The following KHDRBS2 variants were observed in gnomAD, a reference collection of about 807,000 sequenced individuals.
KHDRBS2 encodes the protein KH domain-containing, RNA-binding, signal transduction-associated protein 2.
KHDRBS2 carries 26 observed loss-of-function variants against 44.3 expected under a neutral mutation model. That is an observed-to-expected ratio of 0.59 (90% confidence interval 0.43 to 0.81). The LOEUF (loss-of-function observed/expected upper bound fraction) is 0.81, where lower values mean the gene tolerates loss of function less well. Ranked by LOEUF, KHDRBS2 falls within the 40% of genes least tolerant of loss-of-function variation. The pLI is 0.00. For missense variants in KHDRBS2, 476 were observed against 433.1 expected (o/e 1.10, Z -0.88); for synonymous variants, 194 against 151.1 (o/e 1.28, Z -2.08).
chr6:62,058,422 T>C (rs1790806204), intron 2 of KHDRBS2, among the ~76,000 whole-genome samples: 1 of 151,932 alleles, frequency 6.6e-6, no homozygotes, highest in Non-Finnish European at 1.5e-5. Flanking sequence ...TGAATCTCCT[T>C]TTTAATCAGT....
chr6:62,180,987 A>G (rs1309849729), intron 1 of KHDRBS2, among the ~76,000 whole-genome samples: 1 of 150,854 alleles, frequency 6.6e-6, no homozygotes, highest in Non-Finnish European at 1.5e-5. Flanking sequence ...GGATGTCCAC[A>G]TGCACAACAA....
intron 6 of KHDRBS2, among the ~76,000 whole-genome samples, chr6:61,750,379 G>C (rs1777484452): frequency 6.6e-6 from 1 of 152,154 alleles, no homozygotes; most frequent in Non-Finnish European, 1.5e-5. Flanking sequence ...AATAAGCCAG[G>C]CCAGCCTATG....
chr6:62,181,831 C>A (rs536852707), intron 1 of KHDRBS2, among the ~76,000 whole-genome samples: 101 of 151,944 alleles, frequency 6.6e-4, no homozygotes, highest in Admixed American at 2.0e-3. Context: ...TGAGGGAGAG[C>A]CCCCAACACA....
chr6:61,846,294 T>G (rs1376558671), intron 6 of KHDRBS2, among the ~76,000 whole-genome samples: 3 of 152,214 alleles, frequency 2.0e-5, no homozygotes, highest in Non-Finnish European at 4.4e-5. Context: ...AATTGCATGC[T>G]CCATAGGGAA....
intron 3 of KHDRBS2, among the ~76,000 whole-genome samples, chr6:61,992,928 A>T (rs1776406974): frequency 3.3e-5 from 5 of 152,132 alleles, no homozygotes; most frequent in African/African-American, 1.2e-4. Flanking sequence ...AGCACCAGAG[A>T]TGCCTGCGAA....
chr6:61,602,638 T>A, the KHDRBS2 span, among the ~76,000 whole-genome samples: 1 of 152,020 alleles, frequency 6.6e-6, no homozygotes. Flanking sequence ...TTCAGGTAAC[T>A]CTCACAGTGG....
intron 6 of KHDRBS2, among the ~76,000 whole-genome samples, chr6:61,784,410 TA>T (rs1439507652): frequency 7.1e-6 from 1 of 141,004 alleles, no homozygotes; most frequent in African/African-American, 2.5e-5. Flanking sequence ...AATGGTAAAC[TA>T]AAAAATTCTA....
At chr6:62,118,306 T>C (rs1806771037) in intron 2 of KHDRBS2, among the ~76,000 whole-genome samples, 1 of 152,236 alleles carries the variant, frequency 6.6e-6, no homozygotes, top group African/African-American at 2.4e-5. Flanking sequence ...AAGTTTGCAG[T>C]ATATTTTGAA....
intron 6 of KHDRBS2, among the ~76,000 whole-genome samples, chr6:61,874,506 T>A (rs1301820109): frequency 1.3e-5 from 2 of 152,174 alleles, no homozygotes; most frequent in East Asian, 3.9e-4. Context: ...ACACATACAC[T>A]TTATTTTCCC....
chr6:62,077,666 C>T (rs1366125509), intron 2 of KHDRBS2, among the ~76,000 whole-genome samples: 2 of 151,992 alleles, frequency 1.3e-5, no homozygotes, highest in African/African-American at 4.8e-5. Context: ...CCCACAACAC[C>T]TTTCTGCCTT....
At chr6:62,010,651 T>G (rs1042313818) in intron 3 of KHDRBS2, among the ~76,000 whole-genome samples, 7 of 152,132 alleles carry the variant, frequency 4.6e-5, no homozygotes, top group African/African-American at 1.7e-4. Flanking sequence ...GTTCTTGTGA[T>G]AATAAATGGG....
At chr6:62,164,281 T>C (rs1416322058) in intron 2 of KHDRBS2, among the ~76,000 whole-genome samples, 1 of 151,958 alleles carries the variant, frequency 6.6e-6, no homozygotes. Context: ...ATTATTAGAA[T>C]TTTTGTGACA....
the KHDRBS2 span, among the ~76,000 whole-genome samples, chr6:61,556,418 C>G: frequency 6.6e-6 from 1 of 152,150 alleles, no homozygotes; most frequent in Non-Finnish European, 1.5e-5. Flanking sequence ...GTGACAAATA[C>G]AAGTTTTTCA....
the KHDRBS2 span, among the ~76,000 whole-genome samples, chr6:61,556,872 ATTTTTTTTTTTTTTTTT>A: frequency 9.1e-5 from 8 of 87,458 alleles, no homozygotes; most frequent in Non-Finnish European, 1.3e-4. Flanking sequence ...TGAAATTGAG[ATTTTTTTTTTTTTTTTT>A]TTTTTTTTTT....
At chr6:62,093,826 C>T (rs2127366128) in intron 2 of KHDRBS2, among the ~76,000 whole-genome samples, 1 of 148,418 alleles carries the variant, frequency 6.7e-6, no homozygotes, top group East Asian at 2.0e-4. Flanking sequence ...AGATTTCATT[C>T]TTTGTTATGG....
At chr6:62,027,947 AG>A (rs1783670772) in intron 3 of KHDRBS2, among the ~76,000 whole-genome samples, 1 of 152,110 alleles carries the variant, frequency 6.6e-6, no homozygotes, top group African/African-American at 2.4e-5. Flanking sequence ...AACAAACCCG[AG>A]GAAGTCGTTG....
intron 2 of KHDRBS2, among the ~76,000 whole-genome samples, chr6:62,114,181 T>C (rs1805668404): frequency 6.6e-6 from 1 of 152,126 alleles, no homozygotes; most frequent in Non-Finnish European, 1.5e-5. Flanking sequence ...TTATGGGAAC[T>C]ACAATTCAAG....
chr6:62,259,490 T>C (rs1379537579), intron 1 of KHDRBS2, among the ~76,000 whole-genome samples: 1 of 152,016 alleles, frequency 6.6e-6, no homozygotes, highest in Non-Finnish European at 1.5e-5. Flanking sequence ...ATTCATTACT[T>C]CATTATATAT....
chr6:61,841,822 T>C (rs1793652251), intron 6 of KHDRBS2, among the ~76,000 whole-genome samples: 1 of 152,178 alleles, frequency 6.6e-6, no homozygotes, highest in Non-Finnish European at 1.5e-5. Flanking sequence ...GAGTTTTTTT[T>C]ACAAAGATGG....
Sources: allele counts gnomAD v4.1 joint callset (sites outside exome capture counted in the v4.1 genomes callset), GRCh38; gene constraint gnomAD v4.1.1; transcripts MANE v1.5; gene names NCBI Gene and HGNC (gene_info 2026-07-23, HGNC 2026-07-21).